Variants in RIN2 observed in about 807,000 individuals in gnomAD.
The protein encoded by RIN2 is Ras and Rab interactor 2.
A neutral mutation model predicts 78.0 loss-of-function variants in RIN2; 36 were observed. The ratio of observed to expected loss-of-function variants is 0.46; its 90% CI spans 0.35 to 0.61. RIN2 has a LOEUF of 0.61. Among genes scored for constraint, RIN2 ranks in the 20% least tolerant of loss-of-function variants. The pLI, the probability that RIN2 is intolerant of heterozygous loss-of-function variation, is 0.00. For missense variants in RIN2, 1,087 were observed against 1,159.7 expected (o/e 0.94, Z 0.91); for synonymous variants, 466 against 466.8 (o/e 1.00, Z 0.02).
chr20:19,973,158 C>T (rs887865098), intron 8 of RIN2, among the ~76,000 whole-genome samples: 2 of 152,146 alleles, frequency 1.3e-5, no homozygotes, highest in South Asian at 2.1e-4. Context: ...TCCAAAGATA[C>T]TTAAACGTTT....
chr20:19,812,338 G>A (rs193154891), intron 2 of RIN2, among the ~76,000 whole-genome samples: 1 of 152,274 alleles, frequency 6.6e-6, no homozygotes, highest in Admixed American at 6.5e-5. Context: ...CATCAACTAT[G>A]TATGGTGCTT....
At chr20:19,869,398 AGACGAAGC>A (rs1215197554) in intron 2 of RIN2, among the ~76,000 whole-genome samples, 4 of 152,108 alleles carry the variant, frequency 2.6e-5, no homozygotes, top group African/African-American at 9.7e-5. Flanking sequence ...TGAGGTGGGG[AGACGAAGC>A]CACGTCATCA....
At chr20:19,865,298 G>A (rs6035462) in intron 2 of RIN2, among the ~76,000 whole-genome samples, 69,875 of 151,834 alleles carry the variant, frequency 0.46, 17,007 homozygotes, top group African/African-American at 0.6. Flanking sequence ...ACAACATTCA[G>A]GTTCCTTTCT....
intron 3 of RIN2, among the ~76,000 whole-genome samples, chr20:19,917,620 A>G (rs147089753): frequency 7.5e-4 from 114 of 152,374 alleles, no homozygotes; most frequent in Non-Finnish European, 1.2e-3. Flanking sequence ...AAATCCATAC[A>G]TAAGTGCAGC....
chr20:19,981,730 C>T (rs6106174), intron 9 of RIN2, among the ~76,000 whole-genome samples: 3,304 of 152,286 alleles, frequency 0.022, 91 homozygotes, highest in African/African-American at 0.062. Context: ...ATCCTTATTT[C>T]GGCCCCTTTC....
intron 11 of RIN2, among the ~76,000 whole-genome samples, chr20:19,993,320 T>TCCATCTC (rs1163103006): frequency 6.6e-6 from 1 of 151,318 alleles, no homozygotes; most frequent in Admixed American, 6.6e-5. Context: ...AGTAGAAAGG[T>TCCATCTC]CCATCTCTGA....
At chr20:19,893,716 C>T (rs904794114) in intron 3 of RIN2, among the ~76,000 whole-genome samples, 1 of 152,182 alleles carries the variant, frequency 6.6e-6, no homozygotes, top group East Asian at 1.9e-4. Flanking sequence ...TCCAGGCACT[C>T]ACAGCACCAT....
intron 2 of RIN2, among the ~76,000 whole-genome samples, chr20:19,850,701 A>T (rs1169556924): frequency 6.6e-6 from 1 of 152,232 alleles, no homozygotes; most frequent in African/African-American, 2.4e-5. Flanking sequence ...GCAGTGGCTC[A>T]TGCCTGTAAT....
At chr20:19,906,650 A>G (rs1334931939) in intron 3 of RIN2, among the ~76,000 whole-genome samples, 3 of 152,218 alleles carry the variant, frequency 2.0e-5, no homozygotes, top group Non-Finnish European at 2.9e-5. Flanking sequence ...TAGATATCCC[A>G]TCTAACAAGG....
intron 3 of RIN2, among the ~76,000 whole-genome samples, chr20:19,932,864 T>TC (rs1233886617): frequency 6.6e-6 from 1 of 152,166 alleles, no homozygotes; most frequent in Non-Finnish European, 1.5e-5. Context: ...CAATGCAGTT[T>TC]CCCCCTCAAG....
chr20:19,840,772 C>G (rs1316045455), intron 2 of RIN2, among the ~76,000 whole-genome samples: 1 of 152,212 alleles, frequency 6.6e-6, no homozygotes, highest in East Asian at 1.9e-4. Context: ...GCATGTTCCA[C>G]AAGCTCCTTT....
chr20:19,978,091 C>G (rs1025393029), intron 9 of RIN2, among the ~76,000 whole-genome samples: 2 of 152,046 alleles, frequency 1.3e-5, no homozygotes, highest in African/African-American at 4.8e-5. Flanking sequence ...GATTAGGCCT[C>G]TGACCAGAAC....
chr20:19,990,840 C>T (rs2042777055), intron 10 of RIN2, among the ~76,000 whole-genome samples: 1 of 152,140 alleles, frequency 6.6e-6, no homozygotes, highest in Non-Finnish European at 1.5e-5. Flanking sequence ...AAACTCTGAA[C>T]ATTCAGTTAT....
intron 2 of RIN2, among the ~76,000 whole-genome samples, chr20:19,829,019 TG>T (rs1836733669): frequency 1.3e-5 from 2 of 152,226 alleles, no homozygotes; most frequent in African/African-American, 4.8e-5. Context: ...GATTCAAATT[TG>T]TGCCTCAGCA....
intron 2 of RIN2, among the ~76,000 whole-genome samples, chr20:19,815,858 A>T (rs764644653): frequency 6.6e-6 from 1 of 152,232 alleles, no homozygotes; most frequent in Non-Finnish European, 1.5e-5. Context: ...AAGTTGTTGT[A>T]GCATCTTCCT....
rs554991405 is a variant in RIN2 at position 19,937,001 on chromosome 20, C to T, written c.158+1802C>T. Among the ~76,000 whole-genome samples, 189 of 152,316 alleles carry T rather than the reference C, an allele frequency of 1.2e-3. 1 individual carries two copies. Among genetic ancestry groups the T allele is most frequent in the African/African-American group, 4.3e-3 (180 of 41,572 alleles). ...TAAGTCGCTTATAGCGACTAACTTA[C>T]GGAATCTTCCTAGCACTTCCAGGAG... is the stretch of plus-strand genomic sequence containing the variant. On this transcript the variant is annotated intron_variant, in intron 4 of 12. Coordinates refer to ENST00000255006, the MANE Select transcript of RIN2 (RefSeq NM_018993.4).
intron 11 of RIN2, among the ~76,000 whole-genome samples, chr20:19,993,131 C>T (rs2042846387): frequency 2.6e-5 from 4 of 152,152 alleles, no homozygotes; most frequent in Non-Finnish European, 5.9e-5. Context: ...AGCCTTGAAA[C>T]GCAGAAATAA....
At position 19,792,939 on chromosome 20, in the gene RIN2, C is replaced by CTGTGTGTGTGTG. The variant is rs36049213; in HGVS notation, c.-162-6663_-162-6652dup. ...CAAGGTATTTTAGGCTAAGCAGCCA[C>CTGTGTGTGTGTG]TGTGTGTGTGTGTGTGTGTGTGTGT... On this transcript the variant is annotated intron_variant, in intron 1 of 12. Transcript: ENST00000255006. Among the ~76,000 whole-genome samples the CTGTGTGTGTGTG allele has an allele frequency of 9.2e-4, 136 of 147,242 alleles. 2 individuals are homozygous for CTGTGTGTGTGTG. Among genetic ancestry groups the CTGTGTGTGTGTG allele is most frequent in the African/African-American group, 2.8e-3 (112 of 40,136 alleles).
chr20:19,922,472 A>G (rs1398555049), intron 3 of RIN2, among the ~76,000 whole-genome samples: 1 of 152,118 alleles, frequency 6.6e-6, no homozygotes. Flanking sequence ...GGATTTTCAG[A>G]TCTGAAAAAA....
Sources: gnomAD v4.1 joint callset for allele counts (sites outside exome capture counted in the v4.1 genomes callset) on GRCh38, gnomAD v4.1.1 for gene constraint, MANE v1.5 for transcripts, NCBI Gene and HGNC (gene_info 2026-07-23, HGNC 2026-07-21) for gene names.